Variants in ARPIN observed in about 807,000 individuals in gnomAD.
ARPIN encodes actin related protein 2/3 complex inhibitor, also known as UPF0552 protein C15orf38.
A neutral mutation model predicts 25.9 loss-of-function variants in ARPIN; 23 were observed. That is an observed-to-expected ratio of 0.89 (90% confidence interval 0.64 to 1.26). The LOEUF is 1.26. ARPIN is among the 50% of genes most tolerant of loss of function. The probability of loss-of-function intolerance (pLI) is 0.00; values close to 1 mark genes in which losing one functional copy is unlikely to be tolerated. For missense variants in ARPIN, 333 were observed against 312.2 expected (o/e 1.07, Z -0.50); for synonymous variants, 126 against 131.4 (o/e 0.96, Z 0.28).
At chr15:89,903,704 G>A (rs1440478512) in intron 4 of ARPIN, 73 bp downstream of exon 4, 2 of 1,585,962 alleles carry the variant, frequency 1.3e-6, no homozygotes, top group African/African-American at 2.7e-5. Flanking sequence ...ATGAGCTCTA[G>A]GCAGAAGGGA....
rs904124955 is a variant in ARPIN, at chr15:89,896,794, G to T, written c.*5001C>A. On this transcript the variant is annotated 3_prime_UTR_variant, in exon 6 of 6. Transcript: ENST00000357484. ...GAAAAAATGTTTAAGCTCACTATAA[G>T]TGGGGGAAAGGCAAATTAAAATATA... 1 of 152,174 alleles carries T rather than the reference G, an allele frequency of 6.6e-6. No individual in the cohort carries two copies. Among genetic ancestry groups the T allele is most frequent in the Non-Finnish European group, 1.5e-5 (1 of 68,032 alleles). 9.4% of individuals were successfully genotyped at this position (152,174 alleles called of 1,614,324 possible). A position where few individuals can be genotyped will look rare whatever the true frequency, so the allele number is the denominator to read the frequency against.
In ARPIN at chr15:89,895,525, G is replaced by C. The variant is rs1056782898; in HGVS notation, c.*6270C>G. ...GGTGTAATATCAGTTTCCTAAACTGGAAAACTGGAAAATGAGTCTACTGAC... is the reference window on the plus strand; with the variant it reads ...GGTGTAATATCAGTTTCCTAAACTGCAAAACTGGAAAATGAGTCTACTGAC... On this transcript the variant is annotated 3_prime_UTR_variant, in exon 6 of 6. Coordinates refer to ENST00000357484, the MANE Select transcript of ARPIN (RefSeq NM_182616.4). 2 of 152,192 alleles carry C rather than the reference G, an allele frequency of 1.3e-5. No homozygotes were observed. Among genetic ancestry groups the C allele is most frequent in the African/African-American group, 2.4e-5 (1 of 41,446 alleles). 9.4% of individuals were successfully genotyped at this position (152,192 alleles called of 1,614,324 possible). A position where few individuals can be genotyped will look rare whatever the true frequency, so the allele number is the denominator to read the frequency against.
chr15:89,912,839 C>T lies in ARPIN; in HGVS notation c.-4G>A, dbSNP rs757111739. The T allele has an allele frequency of 2.2e-5, 34 of 1,519,148 alleles. No individual in the cohort carries two copies. In the African/African-American group the frequency reaches 4.2e-4, roughly 19 times the overall value. 94.1% of individuals were successfully genotyped at this position (1,519,148 alleles called of 1,614,324 possible). ...CGTCGTGGTAGATGCGGCTCATTCTCCCGACCGCCCGGGCACCCCGGCACA... is the reference window on the plus strand; with the variant it reads ...CGTCGTGGTAGATGCGGCTCATTCTTCCGACCGCCCGGGCACCCCGGCACA... On this transcript the variant is annotated 5_prime_UTR_variant, in exon 1 of 6. Coordinates refer to ENST00000357484, the MANE Select transcript of ARPIN (RefSeq NM_182616.4).
rs1429139606 is a variant in ARPIN, at chr15:89,896,263, G to A, written c.*5532C>T. 6.6e-6 allele frequency: 1 copy of A among 152,186 alleles called. No homozygotes were observed. Among genetic ancestry groups the A allele is most frequent in the African/African-American group, 2.4e-5 (1 of 41,448 alleles). The allele number at this position is 152,186 out of a possible 1,614,324, so 9.4% of individuals were successfully genotyped here. A position where few individuals can be genotyped will look rare whatever the true frequency, so the allele number is the denominator to read the frequency against. On this transcript the variant is annotated 3_prime_UTR_variant, in exon 6 of 6. Coordinates refer to ENST00000357484, the MANE Select transcript of ARPIN (RefSeq NM_182616.4). ...TTGACAAAATGTTTAAAATGTTGAGGAAGAATATCAAAGAAAATTCTGAAA... is the reference window on the plus strand; with the variant it reads ...TTGACAAAATGTTTAAAATGTTGAGAAAGAATATCAAAGAAAATTCTGAAA...
chr15:89,901,692 G>C lies in ARPIN; in HGVS notation c.*103C>G, dbSNP rs1238178237. On this transcript the variant is annotated 3_prime_UTR_variant, in exon 6 of 6. Coordinates refer to ENST00000357484, the MANE Select transcript of ARPIN (RefSeq NM_182616.4). ...GTGGCTATGGGGAAGAACCAGGTAA[G>C]ACTTGGCAGACTGTTCTCTCCAGCT... is the stretch of plus-strand genomic sequence containing the variant. 1.1e-5 allele frequency: 15 copies of C among 1,415,244 alleles called. No individual in the cohort carries two copies. The South Asian group carries it at 1.4e-4, about 13-fold the overall frequency. 87.7% of individuals were successfully genotyped at this position (1,415,244 alleles called of 1,614,324 possible).
chr15:89,912,844 C>A lies in ARPIN; in HGVS notation c.-9G>T, dbSNP rs1365755465. The A allele has an allele frequency of 3.3e-6, 5 of 1,518,550 alleles. No homozygotes were observed. In the Admixed American group the frequency reaches 8.2e-5, roughly 25 times the overall value. 94.1% of individuals were successfully genotyped at this position (1,518,550 alleles called of 1,614,324 possible). On this transcript the variant is annotated 5_prime_UTR_variant, in exon 1 of 6. Coordinates refer to ENST00000357484, the MANE Select transcript of ARPIN (RefSeq NM_182616.4). The stretch of plus-strand genomic sequence containing the variant: ...TGGTAGATGCGGCTCATTCTCCCGA[C>A]CGCCCGGGCACCCCGGCACAGAGCC...
At chr15:89,912,461 G>A in intron 1 of ARPIN, 4 of 1,239,496 alleles carry the variant, frequency 3.2e-6, no homozygotes, top group Non-Finnish European at 4.0e-6. Flanking sequence ...GTCGGCGTGA[G>A]GCGAAGCCCA....
Position 89,901,563 on chromosome 15 carries a change from AC to A in ARPIN, c.*231del. 1.7e-6 allele frequency: 1 copy of A among 582,550 alleles called. No individual in the cohort carries two copies. The allele number at this position is 582,550 out of a possible 1,614,324, so 36.1% of individuals were successfully genotyped here. On this transcript the variant is annotated 3_prime_UTR_variant, in exon 6 of 6. Coordinates refer to ENST00000357484, the MANE Select transcript of ARPIN (RefSeq NM_182616.4). ...TGTAATGTCTAGGAAGGCTAGACTC[AC>A]ATGCAGGGAGGGGCCCTCCCTGAGC...
intron 1 of ARPIN, among the ~76,000 whole-genome samples, 170 bp from the exon 2 acceptor site, chr15:89,910,989 G>A (rs1420879004): frequency 6.6e-6 from 1 of 152,146 alleles, no homozygotes; most frequent in Non-Finnish European, 1.5e-5. Context: ...GCATTGCCCA[G>A]ATGCCAGGAG....
rs1389213452 is a variant in ARPIN, at chr15:89,895,705, T to C, written c.*6090A>G. 2 of 152,290 alleles carry C rather than the reference T, an allele frequency of 1.3e-5. No homozygotes were observed. Among genetic ancestry groups the C allele is most frequent in the Non-Finnish European group, 2.9e-5 (2 of 68,086 alleles). 9.4% of individuals were successfully genotyped at this position (152,290 alleles called of 1,614,324 possible). ...TTCCTTTTTTTCCTTCAAAGAAATA[T>C]GTACTACTTTTGCAGCCAGAGTTCT... On this transcript the variant is annotated 3_prime_UTR_variant, in exon 6 of 6. Transcript: ENST00000357484.
Position 89,903,856 on chromosome 15 carries a change from G to A in ARPIN, c.429C>T (p.Pro143=), listed in dbSNP as rs193085207. 2.4e-5 allele frequency: 38 copies of A among 1,614,108 alleles called. No homozygotes were observed. In the Admixed American group the frequency reaches 3.3e-4, roughly 14 times the overall value. Residue 143 remains proline (P), a synonymous_variant, in exon 4 of 6, where the codon CCC becomes CCT. Transcript: ENST00000357484. ...TPDHTVAFWM[P]ESEMEVMELE... is the part of the protein sequence containing the mutation. The stretch of plus-strand genomic sequence containing the variant: ...GTTCCATCACCTCCATCTCTGACTC[G>A]GGCATCCAGAACGCCACTGTGTGGT...
Position 89,901,645 on chromosome 15 carries a change from C to T in ARPIN, c.*150G>A. ...GGTCATGGGTTTGGTTTTAGCAGAG[C>T]TTGTTCAAAGAGTATTCCAAGGTGG... On this transcript the variant is annotated 3_prime_UTR_variant, in exon 6 of 6. Coordinates refer to ENST00000357484, the MANE Select transcript of ARPIN (RefSeq NM_182616.4). 1.1e-6 allele frequency: 1 copy of T among 945,570 alleles called. No individual in the cohort carries two copies. The highest frequency in any genetic ancestry group is 1.6e-5 in the African/African-American group (1 of 61,204). The allele number at this position is 945,570 out of a possible 1,614,324, so 58.6% of individuals were successfully genotyped here.
intron 2 of ARPIN, among the ~76,000 whole-genome samples, chr15:89,908,762 T>A (rs1001497961): frequency 6.6e-6 from 1 of 152,004 alleles, no homozygotes; most frequent in African/African-American, 2.4e-5. Flanking sequence ...GGCGAGTGGA[T>A]CACGAGGTCA....
At chr15:89,908,220 G>C in intron 3 of ARPIN, 60 bp downstream of exon 3, 1 of 1,604,782 alleles carries the variant, frequency 6.2e-7, no homozygotes, top group Non-Finnish European at 8.5e-7. Flanking sequence ...GCTCAGAAGA[G>C]AAAGGCCGCC....
rs1486824072 is a variant in ARPIN at position 89,896,213 on chromosome 15, A to G, written c.*5582T>C. 6.6e-6 allele frequency: 1 copy of G among 152,200 alleles called. No individual in the cohort carries two copies. Among genetic ancestry groups the G allele is most frequent in the African/African-American group, 2.4e-5 (1 of 41,458 alleles). 9.4% of individuals were successfully genotyped at this position (152,200 alleles called of 1,614,324 possible). On this transcript the variant is annotated 3_prime_UTR_variant, in exon 6 of 6. Transcript: ENST00000357484. ...ATGGCCCAGTTTTTAAATAAATAAAAACCAAAAGTCAGTTGCACTGAAACT... is the reference window on the plus strand; with the variant it reads ...ATGGCCCAGTTTTTAAATAAATAAAGACCAAAAGTCAGTTGCACTGAAACT...
rs550774803 is a variant in ARPIN at position 89,910,783 on chromosome 15, A to T, written c.129T>A (p.Asp43Glu). 1 of 1,614,174 alleles carries T rather than the reference A, an allele frequency of 6.2e-7. No individual in the cohort carries two copies. Among genetic ancestry groups the T allele is most frequent in the African/African-American group, 1.3e-5 (1 of 75,066 alleles). Residue 43 changes from aspartate (D) to glutamate (E), a missense_variant, in exon 2 of 6, where the codon GAT becomes GAA. Physicochemically the swap from Asp to Glu is conservative, Grantham distance 45. Coordinates refer to ENST00000357484, the MANE Select transcript of ARPIN (RefSeq NM_182616.4). ...NGVLLEGELI[D>E]VSRHSILDTH... Reference sequence around the variant, plus strand: ...TGTCCAAGATGCTGTGCCGAGATACATCGATCAGTTCTCCCTCCAGCAGGA... The same window carrying T: ...TGTCCAAGATGCTGTGCCGAGATACTTCGATCAGTTCTCCCTCCAGCAGGA...
intron 2 of ARPIN, among the ~76,000 whole-genome samples, chr15:89,910,389 G>A (rs1449362559): frequency 6.6e-6 from 1 of 152,174 alleles, no homozygotes; most frequent in Non-Finnish European, 1.5e-5. Context: ...GAGGCTGAGA[G>A]GGCAAAGGCA....
At position 89,903,207 on chromosome 15, in the gene ARPIN, G is replaced by C; in HGVS notation, c.672+9C>G. ...AGGAGATACAACTGCACCAACACCA[G>C]GTACCTACCCACTCCTCGTCCTCTG... On this transcript the variant is annotated intron_variant, in intron 5 of 5. Transcript: ENST00000357484. 6.2e-7 allele frequency: 1 copy of C among 1,614,112 alleles called. No homozygotes were observed. Among genetic ancestry groups the C allele is most frequent in the Non-Finnish European group, 8.5e-7 (1 of 1,180,020 alleles).
chr15:89,912,600 A>C (rs1358618365), intron 1 of ARPIN, 144 bp downstream of exon 1: 2 of 1,341,716 alleles, frequency 1.5e-6, no homozygotes, highest in Non-Finnish European at 9.5e-7. Context: ...GGAGCGGCGG[A>C]CTGGAGGGGC....
Sources: allele counts gnomAD v4.1 joint callset (sites outside exome capture counted in the v4.1 genomes callset), GRCh38; gene constraint gnomAD v4.1.1; transcripts MANE v1.5; gene names NCBI Gene and HGNC (gene_info 2026-07-23, HGNC 2026-07-21).